Variants in TNS3 observed in about 807,000 individuals in gnomAD.
The protein encoded by TNS3 is tensin 3.
Under a neutral mutation model 140.9 loss-of-function variants are expected in TNS3, and 45 were observed. The ratio of observed to expected loss-of-function variants is 0.32; its 90% CI spans 0.25 to 0.41. The LOEUF (loss-of-function observed/expected upper bound fraction) is 0.41. Ranked by LOEUF, TNS3 falls within the 10% of genes least tolerant of loss-of-function variation. The pLI is 1.00. For missense variants in TNS3, 1,716 were observed against 1,906.7 expected (o/e 0.90, Z 1.86); for synonymous variants, 815 against 788.4 (o/e 1.03, Z -0.56).
Position 47,278,091 on chromosome 7 carries a change from G to A in TNS3, c.4323C>T (p.Ser1441=). ...VNFVSKVMIG[S]PKKV is the part of the protein sequence containing the mutation. The stretch of plus-strand genomic sequence containing the variant: ...AGGGGAGTTCTCAGACCTTCTTTGG[G>A]GAACCAATCATGACCTTTGATACGA... Residue 1441 remains serine, a synonymous_variant, in exon 31 of 31, where the codon TCC becomes TCT. Transcript: ENST00000311160. The A allele has an allele frequency of 6.2e-7, 1 of 1,614,118 alleles. No homozygotes were observed. Among genetic ancestry groups the A allele is most frequent in the Non-Finnish European group, 8.5e-7 (1 of 1,179,996 alleles).
intron 1 of TNS3, among the ~76,000 whole-genome samples, chr7:47,549,179 C>A (rs966664503): frequency 6.6e-6 from 1 of 152,104 alleles, no homozygotes; most frequent in Non-Finnish European, 1.5e-5. Context: ...AGAATCTACA[C>A]CCTTAAAAAA....
chr7:47,557,797 A>G (rs1361804244), intron 1 of TNS3, among the ~76,000 whole-genome samples: 2 of 152,126 alleles, frequency 1.3e-5, no homozygotes, highest in East Asian at 3.9e-4. Flanking sequence ...CCTAGAGCAA[A>G]CTGTCCAACA....
At chr7:47,547,166 G>A (rs1338804744) in intron 1 of TNS3, among the ~76,000 whole-genome samples, 1 of 152,208 alleles carries the variant, frequency 6.6e-6, no homozygotes, top group Non-Finnish European at 1.5e-5. Context: ...AGGAGGGAGG[G>A]AGGCAGTGTG....
At chr7:47,382,147 TC>T (rs1325709185) in intron 16 of TNS3, among the ~76,000 whole-genome samples, 3 of 152,218 alleles carry the variant, frequency 2.0e-5, no homozygotes, top group Non-Finnish European at 4.4e-5. Flanking sequence ...TTTATCCATT[TC>T]TAATGGAAAG....
At chr7:47,446,737 G>A (rs896984127) in intron 4 of TNS3, among the ~76,000 whole-genome samples, 2 of 136,100 alleles carry the variant, frequency 1.5e-5, no homozygotes, top group African/African-American at 5.5e-5. Context: ...GCCCAGGCTG[G>A]AGTGCAGTGG....
intron 4 of TNS3, among the ~76,000 whole-genome samples, chr7:47,458,861 G>C (rs1023601429): frequency 1.3e-5 from 2 of 152,200 alleles, no homozygotes; most frequent in African/African-American, 4.8e-5. Context: ...TATGATAAAA[G>C]TTACTTGGTT....
chr7:47,498,745 A>G (rs1256010042), intron 3 of TNS3, among the ~76,000 whole-genome samples: 1 of 152,232 alleles, frequency 6.6e-6, no homozygotes, highest in Non-Finnish European at 1.5e-5. Flanking sequence ...ATAACCAGAC[A>G]GCCAACATGG....
intron 2 of TNS3, 134 bp downstream of exon 2, chr7:47,528,902 T>G (rs1799294468): frequency 2.5e-6 from 1 of 402,724 alleles, no homozygotes; most frequent in African/African-American, 2.1e-5. Context: ...GGGTAGGGGG[T>G]TGGGGGACAT....
intron 15 of TNS3, among the ~76,000 whole-genome samples, chr7:47,400,052 G>T (rs1438739016): frequency 6.6e-6 from 1 of 151,042 alleles, no homozygotes; most frequent in Non-Finnish European, 1.5e-5. Context: ...TATACAAATG[G>T]CCAACAAACA....
At chr7:47,561,851 C>G (rs938021942) in intron 1 of TNS3, among the ~76,000 whole-genome samples, 8 of 152,302 alleles carry the variant, frequency 5.3e-5, no homozygotes, top group Admixed American at 4.6e-4. Context: ...GATAAACCTG[C>G]TAAGAAGCAG....
intron 13 of TNS3, among the ~76,000 whole-genome samples, chr7:47,402,897 T>C (rs986596400): frequency 2.6e-5 from 4 of 152,236 alleles, no homozygotes; most frequent in Non-Finnish European, 5.9e-5. Context: ...AACAACACGA[T>C]GTCAGCTGAT....
chr7:47,453,146 C>G (rs1164485565), intron 4 of TNS3: 1 of 985,544 alleles, frequency 1.0e-6, no homozygotes, highest in Admixed American at 6.1e-5. Flanking sequence ...CAGCCAGGAG[C>G]AGCTGGCAGG....
At chr7:47,313,845 A>G (rs1433410162) in intron 20 of TNS3, among the ~76,000 whole-genome samples, 1 of 152,206 alleles carries the variant, frequency 6.6e-6, no homozygotes, top group African/African-American at 2.4e-5. Context: ...AGCAATTCCC[A>G]TGAAAGTGGC....
At chr7:47,524,155 C>T (rs903682286) in intron 2 of TNS3, among the ~76,000 whole-genome samples, 2 of 152,170 alleles carry the variant, frequency 1.3e-5, no homozygotes, top group African/African-American at 4.8e-5. Context: ...ACGAAGCAGC[C>T]GTCCCCTGGG....
chr7:47,514,911 A>G (rs551162631), intron 2 of TNS3, among the ~76,000 whole-genome samples: 1 of 152,284 alleles, frequency 6.6e-6, no homozygotes, highest in East Asian at 1.9e-4. Context: ...CCATTTTGGG[A>G]TATCAATGGC....
At chr7:47,447,933 A>G (rs1301438145) in intron 4 of TNS3, among the ~76,000 whole-genome samples, 4 of 152,222 alleles carry the variant, frequency 2.6e-5, no homozygotes, top group Non-Finnish European at 5.9e-5. Context: ...AGCTTCAAAG[A>G]GTCTTTCTGC....
intron 16 of TNS3, among the ~76,000 whole-genome samples, chr7:47,392,371 C>A (rs959910078): frequency 1.1e-4 from 17 of 152,324 alleles, no homozygotes; most frequent in African/African-American, 4.1e-4. Context: ...GCTCCCCTAA[C>A]AGGCCCAGAT....
At chr7:47,535,312 T>C (rs1799561345) in intron 1 of TNS3, among the ~76,000 whole-genome samples, 1 of 152,258 alleles carries the variant, frequency 6.6e-6, no homozygotes, top group African/African-American at 2.4e-5. Flanking sequence ...CCTGCAGCTT[T>C]CTTGCCCACT....
rs1554297219 is a variant in TNS3, at chr7:47,340,115, A to ATATATAT, written c.2650+4639_2650+4640insATATATA. Among the ~76,000 whole-genome samples the ATATATAT allele has an allele frequency of 2.6e-3, 75 of 28,608 alleles. 1 individual carries two copies. The highest frequency in any genetic ancestry group is 6.0e-3 in the Admixed American group (9 of 1,494). The allele number at this position is 28,608 out of a possible 152,430, so 18.8% of individuals were successfully genotyped here. ...TACATATATATATATATATATATAT[A>ATATATAT]TTTTTTTTTTTTTTTTTTTTTTTTT... On this transcript the variant is annotated intron_variant, in intron 20 of 30. Transcript: ENST00000311160.
Sources: gnomAD v4.1 joint callset for allele counts (sites outside exome capture counted in the v4.1 genomes callset) on GRCh38, gnomAD v4.1.1 for gene constraint, MANE v1.5 for transcripts, NCBI Gene and HGNC (gene_info 2026-07-23, HGNC 2026-07-21) for gene names.